KLRG1: variants seen among roughly 807,000 people sequenced by gnomAD.
The protein encoded by KLRG1 is killer cell lectin-like receptor subfamily G member 1.
Under a neutral mutation model 21.8 loss-of-function variants are expected in KLRG1, and 16 were observed. That is an observed-to-expected ratio of 0.73 (90% confidence interval 0.50 to 1.11). KLRG1 has a LOEUF of 1.11. Ranked by LOEUF, KLRG1 falls within the 50% of genes most tolerant of loss-of-function variation. KLRG1 has a pLI of 0.00. For missense variants in KLRG1, 173 were observed against 218.3 expected, an observed-to-expected ratio of 0.79 and a Z score of 1.31; for synonymous variants, 69 against 75.9, an observed-to-expected ratio of 0.91 and a Z score of 0.47.
At chr12:9,117,280 C>G in the KLRG1 span, among the ~76,000 whole-genome samples, 1 of 152,026 alleles carries the variant, frequency 6.6e-6, no homozygotes, top group African/African-American at 2.4e-5. Flanking sequence ...AGGTTTGTTT[C>G]CTGGAAAGCT....
the KLRG1 span, chr12:9,080,093 C>T: frequency 1.3e-6 from 2 of 1,579,704 alleles, no homozygotes; most frequent in South Asian, 1.2e-5. Context: ...TGGAGACTCA[C>T]CCAAAACTGA....
chr12:9,021,112 T>C, the KLRG1 span, among the ~76,000 whole-genome samples: 1 of 152,178 alleles, frequency 6.6e-6, no homozygotes, highest in Non-Finnish European at 1.5e-5. Flanking sequence ...ATGGTACACC[T>C]GCATATGACA....
At chr12:8,976,352 T>A (rs1224758968) in intron 1 of KLRG1, among the ~76,000 whole-genome samples, 1 of 152,236 alleles carries the variant, frequency 6.6e-6, no homozygotes, top group Non-Finnish European at 1.5e-5. Context: ...TATCTTCTTA[T>A]GTTTGTTACA....
the KLRG1 span, among the ~76,000 whole-genome samples, chr12:9,174,971 C>T: frequency 2.6e-5 from 4 of 152,208 alleles, no homozygotes; most frequent in African/African-American, 9.6e-5. Context: ...TTTTAAAATT[C>T]ATATGGAACC....
chr12:9,134,864 C>T, the KLRG1 span, among the ~76,000 whole-genome samples: 7 of 152,198 alleles, frequency 4.6e-5, no homozygotes, highest in Non-Finnish European at 5.9e-5. Flanking sequence ...AAACCGCCAT[C>T]GCTCCTCTCT....
chr12:8,960,199 G>A (rs1021471038), intron 1 of KLRG1, among the ~76,000 whole-genome samples: 3 of 152,208 alleles, frequency 2.0e-5, no homozygotes, highest in Non-Finnish European at 4.4e-5. Context: ...AAGGTGCAGT[G>A]CAGGAAGGGG....
chr12:9,158,965 T>G, the KLRG1 span, among the ~76,000 whole-genome samples: 2 of 152,168 alleles, frequency 1.3e-5, no homozygotes, highest in Admixed American at 6.5e-5. Context: ...GTTTTAACTC[T>G]AATCAGCTAA....
chr12:9,166,176 A>G, the KLRG1 span: 12 of 1,613,516 alleles, frequency 7.4e-6, no homozygotes, highest in East Asian at 1.8e-4. Context: ...TGAGGAACAT[A>G]TGGTCTCTCT....
At chr12:9,086,865 CATT>C in the KLRG1 span, among the ~76,000 whole-genome samples, 3 of 152,232 alleles carry the variant, frequency 2.0e-5, no homozygotes, top group African/African-American at 7.2e-5. Flanking sequence ...TTGGTGATGA[CATT>C]ATCTTATATA....
chr12:9,103,417 A>AAC, the KLRG1 span, among the ~76,000 whole-genome samples: 152 of 151,382 alleles, frequency 1.0e-3, 2 homozygotes, highest in Admixed American at 3.0e-3. Context: ...AGTTATTATA[A>AAC]ACACACACAC....
At chr12:9,077,151 C>G in the KLRG1 span, among the ~76,000 whole-genome samples, 2 of 152,100 alleles carry the variant, frequency 1.3e-5, no homozygotes, top group African/African-American at 4.8e-5. Flanking sequence ...TGGTAAATAG[C>G]CTAGGGGAAT....
the KLRG1 span, among the ~76,000 whole-genome samples, chr12:9,199,863 G>A: frequency 0.34 from 51,782 of 151,906 alleles, 8,828 homozygotes; most frequent in East Asian, 0.44. Flanking sequence ...GAAAATTTCC[G>A]TTGTAGAGAG....
chr12:9,113,321 A>G, the KLRG1 span: 1 of 1,603,176 alleles, frequency 6.2e-7, no homozygotes, highest in Non-Finnish European at 8.5e-7. Context: ...GACCCTGACT[A>G]AAAGAACCAA....
the KLRG1 span, among the ~76,000 whole-genome samples, chr12:9,155,104 T>C: frequency 6.6e-6 from 1 of 152,224 alleles, no homozygotes; most frequent in Non-Finnish European, 1.5e-5. Flanking sequence ...TTAGTTGGAC[T>C]GATGAAAGAG....
At chr12:9,157,168 C>T in the KLRG1 span, 1 of 1,611,248 alleles carries the variant, frequency 6.2e-7, no homozygotes, top group Non-Finnish European at 8.5e-7. Flanking sequence ...CTTATAAGTG[C>T]TCTCACCTTC....
chr12:9,089,345 G>C, the KLRG1 span: 1 of 922,762 alleles, frequency 1.1e-6, no homozygotes, highest in Non-Finnish European at 1.7e-6. Context: ...ATAGTGAAGA[G>C]AAGGATTTGA....
the KLRG1 span, chr12:9,157,133 A>G: frequency 1.9e-6 from 3 of 1,574,688 alleles, no homozygotes; most frequent in Non-Finnish European, 2.6e-6. Flanking sequence ...CCCTGTGTCT[A>G]TGTGTTCTCA....
the KLRG1 span, among the ~76,000 whole-genome samples, chr12:9,139,431 GT>G: frequency 6.6e-6 from 1 of 152,136 alleles, no homozygotes. Context: ...GCATATGTCT[GT>G]TTGGTCCATT....
the KLRG1 span, chr12:9,070,562 A>G: frequency 6.2e-7 from 1 of 1,613,610 alleles, no homozygotes; most frequent in South Asian, 1.1e-5. Flanking sequence ...TTGGAGGCAG[A>G]GCGGCTCCCT....
Sources: gnomAD v4.1 joint callset for allele counts (sites outside exome capture counted in the v4.1 genomes callset) on GRCh38, gnomAD v4.1.1 for gene constraint, MANE v1.5 for transcripts, NCBI Gene and HGNC (gene_info 2026-07-23, HGNC 2026-07-21) for gene names.